CFAP46: variants seen among roughly 807,000 people sequenced by gnomAD.
CFAP46 encodes the protein cilia and flagella associated protein 46.
Under a neutral mutation model 325.7 loss-of-function variants are expected in CFAP46, and 245 were observed. That is an observed-to-expected ratio of 0.75 (90% CI 0.68 to 0.84). CFAP46 has a LOEUF of 0.84. Ranked by LOEUF, CFAP46 falls within the 40% of genes least tolerant of loss-of-function variation. The pLI, the probability that CFAP46 is intolerant of heterozygous loss-of-function variation, is 0.00. For synonymous variants in CFAP46, 1,523 were observed against 1,495.9 expected (o/e 1.02, Z -0.42); for missense variants, 3,346 against 3,543.0 (o/e 0.94, Z 1.41).
intron 50 of CFAP46, among the ~76,000 whole-genome samples, chr10:132,824,374 G>A (rs1847983727): frequency 7.6e-6 from 1 of 131,076 alleles, no homozygotes; most frequent in African/African-American, 2.9e-5. Context: ...TGCTGTGTGA[G>A]TGCTGATGTG....
intron 50 of CFAP46, among the ~76,000 whole-genome samples, chr10:132,818,412 T>A (rs962990538): frequency 2.0e-5 from 3 of 152,160 alleles, no homozygotes; most frequent in African/African-American, 7.2e-5. Context: ...AGAAAGATTT[T>A]AAAAACCCCG....
intron 50 of CFAP46, among the ~76,000 whole-genome samples, chr10:132,822,880 GTGTGCGCTGA>G (rs1447922078): frequency 7.2e-6 from 1 of 139,344 alleles, no homozygotes; most frequent in African/African-American, 2.7e-5. Flanking sequence ...TGTGTGCTGT[GTGTGCGCTGA>G]TGTGTGCTGA....
intron 53 of CFAP46, 35 bp downstream of exon 53, chr10:132,814,542 G>A (rs1028810438): frequency 9.0e-6 from 14 of 1,550,712 alleles, no homozygotes; most frequent in Admixed American, 5.9e-5. Context: ...CGAGGCTGGC[G>A]TGTGCCTGAA....
Position 132,817,110 on chromosome 10 carries a change from G to A in CFAP46, c.7118-2196C>T, listed in dbSNP as rs897793904. On this transcript the variant is annotated intron_variant, in intron 50 of 57. Coordinates refer to ENST00000368586, the MANE Select transcript of CFAP46 (RefSeq NM_001200049.3). The surrounding 1 kb of genome is among the most constrained non-coding windows in gnomAD (Gnocchi z 4.4). ...AATCCAGGCGTGGTAAAATCTCCCA[G>A]CGTTGGGGCTGGCCAACGGCTGCAC... 2.0e-5 allele frequency among the ~76,000 whole-genome samples: 3 copies of A among 152,136 alleles called. No homozygotes were observed. The highest frequency in any genetic ancestry group is 4.8e-5 in the African/African-American group (2 of 41,410).
Position 132,919,330 on chromosome 10 carries a change from A to G in CFAP46, c.1843T>C (p.Leu615=), listed in dbSNP as rs760060760. ...GGGTACGAACCTCGCCGCAGCCTCA[A>G]CTTCTTCACCTTGACGTTGTCATAC... ...LLYDNVKVKK[L]RLRRGKKKRG... Residue 615 remains leucine, a synonymous_variant, in exon 15 of 58, where the codon TTG becomes CTG. Transcript: ENST00000368586. This position sits in a 1 kb window ranked among gnomAD's most constrained non-coding sequence, Gnocchi z 9.7. 6 of 1,549,898 alleles carry G rather than the reference A, an allele frequency of 3.9e-6. No individual in the cohort carries two copies. The South Asian group carries it at 4.8e-5, about 12-fold the overall frequency.
chr10:132,892,699 G>C (rs904006661), intron 24 of CFAP46, among the ~76,000 whole-genome samples: 1 of 152,120 alleles, frequency 6.6e-6, no homozygotes, highest in Non-Finnish European at 1.5e-5. Context: ...AACCCACTTG[G>C]AACTGCCTCT....
chr10:132,821,755 T>C (rs1457207870), intron 50 of CFAP46, among the ~76,000 whole-genome samples: 512 of 130,058 alleles, frequency 3.9e-3, no homozygotes, highest in South Asian at 9.2e-3. Flanking sequence ...TGATGTGTGC[T>C]GTGTGTGTGC....
At chr10:132,853,490 GT>G (rs2135166125) in intron 39 of CFAP46, among the ~76,000 whole-genome samples, 1 of 152,260 alleles carries the variant, frequency 6.6e-6, no homozygotes, top group South Asian at 2.1e-4. Context: ...TGTTGTTAAT[GT>G]TTTTATCTTG....
rs1258363431 is a variant in CFAP46 at position 132,908,557 on chromosome 10, G to C, written c.2835C>G (p.Phe945Leu). 2.3e-5 allele frequency: 36 copies of C among 1,550,442 alleles called. No homozygotes were observed. The highest frequency in any genetic ancestry group is 1.9e-4 in the African/African-American group (14 of 73,168). ...ELQTLTRLTH[F>L]AHAARDHETT... ...TCTCATGGTCACGCGCTGCATGGGC[G>C]AAGTGGGTCAGCCGCGTCAGGGTCT... Residue 945 changes from phenylalanine to leucine, a missense_variant, in exon 22 of 58, where the codon TTC (phenylalanine) becomes TTG (leucine). By Grantham distance (22) the Phe-to-Leu change is conservative. Transcript: ENST00000368586.
chr10:132,867,359 T>C lies in CFAP46; in HGVS notation c.4743+16A>G. 2 of 1,546,018 alleles carry C rather than the reference T, an allele frequency of 1.3e-6. No individual in the cohort carries two copies. Among genetic ancestry groups the C allele is most frequent in the Non-Finnish European group, 1.7e-6 (2 of 1,145,992 alleles). On this transcript the variant is annotated intron_variant, in intron 34 of 57. Coordinates refer to ENST00000368586, the MANE Select transcript of CFAP46 (RefSeq NM_001200049.3). The stretch of plus-strand genomic sequence containing the variant: ...GCTGGGCTGCGGGTCAGAGGGATTC[T>C]GGACGGTGAGGTTACCTTGTCCTTG...
chr10:132,908,284 G>C, intron 22 of CFAP46, 184 bp downstream of exon 22: 1 of 682,782 alleles, frequency 1.5e-6, no homozygotes, highest in Admixed American at 3.0e-5. Flanking sequence ...CTCCCTGCCC[G>C]TTTTGGGGAC....
intron 27 of CFAP46, among the ~76,000 whole-genome samples, chr10:132,883,913 G>A (rs184680859): frequency 6.6e-5 from 10 of 152,344 alleles, no homozygotes; most frequent in South Asian, 6.2e-4. Flanking sequence ...GCTGATGGAT[G>A]CAGGATTGCT....
chr10:132,895,562 A>G (rs1271434432), intron 24 of CFAP46, among the ~76,000 whole-genome samples: 1 of 152,062 alleles, frequency 6.6e-6, no homozygotes, highest in Non-Finnish European at 1.5e-5. Context: ...GATCCTATAC[A>G]GAGAAAATTC....
chr10:132,821,571 C>T (rs200506284), intron 50 of CFAP46, among the ~76,000 whole-genome samples: 52 of 88,502 alleles, frequency 5.9e-4, no homozygotes, highest in Middle Eastern at 0.014. Flanking sequence ...GCTGTGTGTG[C>T]GCTGATGTGT....
intron 8 of CFAP46, among the ~76,000 whole-genome samples, chr10:132,930,271 CCCCACA>C (rs1849873321): frequency 6.6e-6 from 1 of 150,500 alleles, no homozygotes; most frequent in Non-Finnish European, 1.5e-5. Flanking sequence ...GCATGGGACT[CCCCACA>C]CTCCCCACAC....
At position 132,869,452 on chromosome 10, in the gene CFAP46, A is replaced by G; in HGVS notation, c.4512-80T>C. ...AAACGAAGCTACTAGTGTGCTTCAC[A>G]GAAAACGGTCAACTAACACATCGAG... On this transcript the variant is annotated intron_variant, in intron 32 of 57. Transcript: ENST00000368586. The surrounding 1 kb of genome is among the most constrained non-coding windows in gnomAD (Gnocchi z 6.2). The G allele has an allele frequency of 9.6e-7, 1 of 1,038,048 alleles. No individual in the cohort carries two copies. Among genetic ancestry groups the G allele is most frequent in the Non-Finnish European group, 1.3e-6 (1 of 749,810 alleles). 64.3% of individuals were successfully genotyped at this position (1,038,048 alleles called of 1,614,324 possible). A position where few individuals can be genotyped will look rare whatever the true frequency, so the allele number is the denominator to read the frequency against.
rs150977582 is a variant in CFAP46, at chr10:132,846,782, C to T, written c.6267+150G>A. On this transcript the variant is annotated intron_variant, in intron 43 of 57. Transcript: ENST00000368586. ...ATGTTCTCTCTGAGCCACAAGTTTA[C>T]GTGGCCGGCAGGCTCCCACTGCTTA... 2,001 of 947,070 alleles carry T rather than the reference C, an allele frequency of 2.1e-3. 19 individuals are homozygous for T. The highest frequency in any genetic ancestry group is 0.015 in the Middle Eastern group (44 of 2,928). 58.7% of individuals were successfully genotyped at this position (947,070 alleles called of 1,614,324 possible).
chr10:132,909,481 G>A (rs978085803), intron 20 of CFAP46, among the ~76,000 whole-genome samples: 4 of 152,206 alleles, frequency 2.6e-5, no homozygotes, highest in Non-Finnish European at 4.4e-5. Context: ...CTGAAGGCTG[G>A]GTGACCCCCG....
intron 22 of CFAP46, among the ~76,000 whole-genome samples, 174 bp from the exon 23 acceptor site, chr10:132,899,840 T>G (rs187937271): frequency 2.6e-5 from 4 of 152,304 alleles, no homozygotes; most frequent in Non-Finnish European, 5.9e-5. Flanking sequence ...TGAGTCAGCT[T>G]CAGGGACTTG....
Sources: gnomAD v4.1 joint callset for allele counts (sites outside exome capture counted in the v4.1 genomes callset) on GRCh38, gnomAD v4.1.1 for gene constraint, Gnocchi (gnomAD v3.1) non-coding constraint, MANE v1.5 for transcripts, NCBI Gene and HGNC (gene_info 2026-07-23, HGNC 2026-07-21) for gene names.